ELAVL2: variants seen among roughly 807,000 people sequenced by gnomAD.
ELAVL2 encodes ELAV-like protein 2.
ELAVL2 carries 4 observed loss-of-function variants against 34.6 expected under a neutral mutation model. The observed-to-expected ratio is 0.12, with a 90% CI of 0.06 to 0.26. The LOEUF (loss-of-function observed/expected upper bound fraction) is 0.26, where lower values mean the gene tolerates loss of function less well. Among genes scored for constraint, ELAVL2 ranks in the 10% least tolerant of loss-of-function variants. The probability of loss-of-function intolerance (pLI) is 1.00; values close to 1 mark genes in which losing one functional copy is unlikely to be tolerated. For synonymous variants in ELAVL2, 193 were observed against 154.8 expected (o/e 1.25, Z -1.83); for missense variants, 432 against 442.8 (o/e 0.98, Z 0.22).
In ELAVL2 at chr9:23,697,372, G is replaced by C. The variant is rs144719214; in HGVS notation, c.714-3886C>G. On this transcript the variant is annotated intron_variant, in intron 5 of 6. Transcript: ENST00000397312. ...TCACATGAAGTCAGATGAGATATCTGAAATTATTTTATGGTCTTGCTTTAA... is the reference window on the plus strand; with the variant it reads ...TCACATGAAGTCAGATGAGATATCTCAAATTATTTTATGGTCTTGCTTTAA... Among the ~76,000 whole-genome samples the C allele has an allele frequency of 9.5e-3, 1,440 of 152,248 alleles. 32 individuals are homozygous for C. Among genetic ancestry groups the C allele is most frequent in the African/African-American group, 0.033 (1,378 of 41,552 alleles).
intron 1 of ELAVL2, among the ~76,000 whole-genome samples, chr9:23,820,064 G>C (rs530990995): frequency 3.0e-4 from 45 of 151,710 alleles, no homozygotes; most frequent in Non-Finnish European, 4.9e-4. Flanking sequence ...ATGCAGGACA[G>C]CTTTTCCACC....
chr9:23,829,831 G>T (rs1200832104), upstream of ELAVL2: 7 of 152,120 alleles, frequency 4.6e-5, no homozygotes, highest in African/African-American at 1.7e-4. Context: ...GCTTGAGACG[G>T]TGTTTTCTGT....
chr9:23,722,669 C>T (rs1326314615), intron 3 of ELAVL2, among the ~76,000 whole-genome samples: 2 of 152,196 alleles, frequency 1.3e-5, no homozygotes, highest in African/African-American at 2.4e-5. Flanking sequence ...ACAAAAGCTA[C>T]GGCATCAGCC....
intron 2 of ELAVL2, among the ~76,000 whole-genome samples, chr9:23,760,824 T>C (rs1004786833): frequency 3.3e-5 from 5 of 152,206 alleles, no homozygotes; most frequent in African/African-American, 1.2e-4. Flanking sequence ...AATCTCAATC[T>C]GTAGCTTGAG....
At chr9:23,711,875 T>G (rs1056369723) in intron 3 of ELAVL2, among the ~76,000 whole-genome samples, 2 of 152,060 alleles carry the variant, frequency 1.3e-5, no homozygotes, top group Non-Finnish European at 2.9e-5. Context: ...AATTGAGAGT[T>G]TATTTCTGAA....
the ELAVL2 span, among the ~76,000 whole-genome samples, chr9:23,837,160 T>C: frequency 6.6e-6 from 1 of 152,122 alleles, no homozygotes; most frequent in Non-Finnish European, 1.5e-5. Context: ...GCATATAATG[T>C]TTCTGAGCCA....
chr9:23,802,332 C>A (rs2061663888), intron 1 of ELAVL2, among the ~76,000 whole-genome samples: 1 of 152,086 alleles, frequency 6.6e-6, no homozygotes, highest in African/African-American at 2.4e-5. Flanking sequence ...AACGCTAGCC[C>A]ACAGCCTCAA....
chr9:23,796,251 G>C (rs1266487699), intron 1 of ELAVL2, among the ~76,000 whole-genome samples: 1 of 152,152 alleles, frequency 6.6e-6, no homozygotes, highest in Non-Finnish European at 1.5e-5. Context: ...TACAGTTCTT[G>C]TTATTTACAA....
At chr9:23,794,377 A>G (rs1287739622) in intron 1 of ELAVL2, among the ~76,000 whole-genome samples, 3 of 152,210 alleles carry the variant, frequency 2.0e-5, no homozygotes, top group Non-Finnish European at 4.4e-5. Flanking sequence ...CCCACTTTCT[A>G]CAACAGATTG....
intron 2 of ELAVL2, among the ~76,000 whole-genome samples, chr9:23,758,577 G>A (rs940890559): frequency 1.3e-4 from 19 of 151,950 alleles, no homozygotes; most frequent in African/African-American, 4.6e-4. Flanking sequence ...GTTTCTTTTA[G>A]GAATCATGCT....
rs1243595004 is a variant in ELAVL2, at chr9:23,721,133, T to C, written c.333+9889A>G. ...TAAATAAGACAAATGCCAGGTAGCT[T>C]GAAAGCAAAGCATTTAGGAATATAA... On this transcript the variant is annotated intron_variant, in intron 3 of 6. Transcript: ENST00000397312. 3.3e-5 allele frequency among the ~76,000 whole-genome samples: 5 copies of C among 152,294 alleles called. No homozygotes were observed. The East Asian group carries it at 9.7e-4, about 29-fold the overall frequency.
intron 5 of ELAVL2, among the ~76,000 whole-genome samples, chr9:23,695,277 T>C (rs1162319202): frequency 6.6e-6 from 1 of 152,184 alleles, no homozygotes; most frequent in South Asian, 2.1e-4. Context: ...GAGAACCGCA[T>C]ACTGAGGTCT....
intron 5 of ELAVL2, among the ~76,000 whole-genome samples, chr9:23,700,816 C>T (rs1278714834): frequency 6.6e-6 from 1 of 151,250 alleles, no homozygotes; most frequent in Non-Finnish European, 1.5e-5. Context: ...GGTGCACATA[C>T]TATAAAGTGA....
At chr9:23,823,219 G>A (rs1315383452) in intron 1 of ELAVL2, among the ~76,000 whole-genome samples, 2 of 152,180 alleles carry the variant, frequency 1.3e-5, no homozygotes, top group East Asian at 3.9e-4. Flanking sequence ...GCGCCTCTTT[G>A]ACCTCTCAGT....
At chr9:23,733,195 AAAAC>A (rs892031891) in intron 2 of ELAVL2, among the ~76,000 whole-genome samples, 3 of 147,398 alleles carry the variant, frequency 2.0e-5, no homozygotes, top group African/African-American at 7.5e-5. Flanking sequence ...AAAAAAAACT[AAAAC>A]AAAAAAACCT....
chr9:23,756,871 A>C (rs909661771), intron 2 of ELAVL2, among the ~76,000 whole-genome samples: 1 of 152,146 alleles, frequency 6.6e-6, no homozygotes, highest in African/African-American at 2.4e-5. Context: ...CCAGGTCCCC[A>C]CTACAGATTC....
intron 1 of ELAVL2, among the ~76,000 whole-genome samples, chr9:23,817,398 A>ATCTG (rs1029646874): frequency 6.6e-6 from 1 of 152,198 alleles, no homozygotes; most frequent in Admixed American, 6.5e-5. Flanking sequence ...GAAAACCTGT[A>ATCTG]TCTGTTGTCA....
rs764703332 is a variant in ELAVL2 at position 23,762,187 on chromosome 9, A to C, written c.48T>G (p.Asn16Lys). ...SNGPTCNNTA[N>K]GPTTINNNCS... ...AGTTGTTGTTTATGGTGGTTGGACCATTGGCTGTGTTATTGCAAGTTGGCC... is the reference window on the plus strand; with the variant it reads ...AGTTGTTGTTTATGGTGGTTGGACCCTTGGCTGTGTTATTGCAAGTTGGCC... Residue 16 changes from asparagine to lysine, a missense_variant, in exon 2 of 7, where the codon AAT becomes AAG. Transcript: ENST00000397312. 1 of 1,613,648 alleles carries C rather than the reference A, an allele frequency of 6.2e-7. No individual in the cohort carries two copies. The highest frequency in any genetic ancestry group is 8.5e-7 in the Non-Finnish European group (1 of 1,179,654).
chr9:23,759,754 TTATATATATATATATATATATATA>T (rs774471922), intron 2 of ELAVL2, among the ~76,000 whole-genome samples: 87 of 81,352 alleles, frequency 1.1e-3, no homozygotes, highest in Non-Finnish European at 1.6e-3. Flanking sequence ...ATATATAGTA[TTATATATATATATATATATATATA>T]TATATATATA....
Sources: gnomAD v4.1 joint callset for allele counts (sites outside exome capture counted in the v4.1 genomes callset) on GRCh38, gnomAD v4.1.1 for gene constraint, MANE v1.5 for transcripts, NCBI Gene and HGNC (gene_info 2026-07-23, HGNC 2026-07-21) for gene names.